The following SH2D6 variants were observed in gnomAD, a reference collection of about 807,000 sequenced individuals.
SH2D6 encodes the protein SH2 domain-containing protein 6.
In SH2D6, 31 loss-of-function variants were observed where a neutral mutation model predicts 30.2. That is an observed-to-expected ratio of 1.03 (90% CI 0.77 to 1.38). SH2D6 has a LOEUF of 1.38. SH2D6 is among the 40% of genes most tolerant of loss of function. The pLI, the probability that SH2D6 is intolerant of heterozygous loss-of-function variation, is 0.00. For missense variants in SH2D6, 240 were observed against 266.8 expected (o/e 0.90, Z 0.70); for synonymous variants, 93 against 104.6 (o/e 0.89, Z 0.68).
intron 14 of SH2D6, among the ~76,000 whole-genome samples, 197 bp from the exon 15 acceptor site, chr2:85,432,902 G>A (rs1688922650): frequency 6.6e-6 from 1 of 152,222 alleles, no homozygotes; most frequent in Admixed American, 6.5e-5. Flanking sequence ...TGGGAGGTCA[G>A]GAAAGGTGAC....
Position 85,435,350 on chromosome 2 carries a change from C to T in SH2D6, c.649-63C>T, listed in dbSNP as rs1341858532. The T allele has an allele frequency of 2.6e-6, 4 of 1,561,792 alleles. No individual in the cohort carries two copies. The South Asian group carries it at 3.4e-5, about 13-fold the overall frequency. On this transcript the variant is annotated intron_variant, in intron 20 of 23. Transcript: ENST00000469800. The stretch of plus-strand genomic sequence containing the variant: ...AACATAAATAACTGCACCCTGGGTC[C>T]TCGGCTCCGCATGCCTGATTGAGTG...
Position 85,430,532 on chromosome 2 carries a change from C to T in SH2D6, c.136-6C>T, listed in dbSNP as rs559383714. The T allele has an allele frequency of 6.5e-6, 1 of 153,334 alleles. No individual in the cohort carries two copies. The highest frequency in any genetic ancestry group is 2.1e-4 in the South Asian group (1 of 4,844). The allele number at this position is 153,334 out of a possible 1,614,324, so 9.5% of individuals were successfully genotyped here. ...TTCCTGCTGTGCTGAGCATCCCTTCCTCCAGGCCCAGGAGGAGGACGAGGA... is the reference window on the plus strand; with the variant it reads ...TTCCTGCTGTGCTGAGCATCCCTTCTTCCAGGCCCAGGAGGAGGACGAGGA... On this transcript the variant is annotated splice_region_variant and splice_polypyrimidine_tract_variant and intron_variant, in intron 11 of 23. Coordinates refer to ENST00000469800, the MANE Select transcript of SH2D6 (RefSeq NM_001394463.1). This position sits in a 1 kb window ranked among gnomAD's most constrained non-coding sequence, Gnocchi z 4.3.
In SH2D6 at chr2:85,429,429, C is replaced by T. The variant is rs566275228; in HGVS notation, c.-37C>T. 6.6e-6 allele frequency: 1 copy of T among 152,494 alleles called. No individual in the cohort carries two copies. Among genetic ancestry groups the T allele is most frequent in the East Asian group, 1.9e-4 (1 of 5,188 alleles). 9.4% of individuals were successfully genotyped at this position (152,494 alleles called of 1,614,324 possible). ...GTCCCCAGGCCATTTGTGGCAGATC[C>T]TGGGCTCCAGGGAGGCAAAGCTCCT... On this transcript the variant is annotated 5_prime_UTR_variant, in exon 8 of 24. Coordinates refer to ENST00000469800, the MANE Select transcript of SH2D6 (RefSeq NM_001394463.1).
Position 85,435,462 on chromosome 2 carries a change from A to C in SH2D6, c.698A>C (p.Tyr233Ser), listed in dbSNP as rs781621778. Residue 233 changes from tyrosine to serine, a missense_variant, in exon 21 of 24, where the codon TAT becomes TCT. Tyr to Ser is a moderately radical substitution (Grantham distance 144, BLOSUM62 -2). Transcript: ENST00000469800. ...TGGTACTCGGGGAACTGTGACCGCT[A>C]TGCTGTTGAGAGTGCCCTGCTCCAC... is the stretch of plus-strand genomic sequence containing the variant. ...QPWYSGNCDR[Y>S]AVESALLHLQ... 1 of 1,613,776 alleles carries C rather than the reference A, an allele frequency of 6.2e-7. No homozygotes were observed. The highest frequency in any genetic ancestry group is 1.7e-5 in the Admixed American group (1 of 60,004).
intron 14 of SH2D6, among the ~76,000 whole-genome samples, 175 bp downstream of exon 14, chr2:85,432,134 T>C (rs995889710): frequency 3.9e-5 from 6 of 152,162 alleles, no homozygotes; most frequent in Admixed American, 3.9e-4. Context: ...GCAGGTGGCG[T>C]TGCCTCTAAT....
rs1687775386 is a variant in SH2D6 at position 85,422,272 on chromosome 2, G to A, written c.-507G>A. ...ACACTTTGGGAGGCTGAGGCAGGAG[G>A]ATTGCTTGAGCCCAGAAGTTCAAGA... On this transcript the variant is annotated 5_prime_UTR_variant, in exon 3 of 24. Coordinates refer to ENST00000469800, the MANE Select transcript of SH2D6 (RefSeq NM_001394463.1). 1 of 152,022 alleles carries A rather than the reference G, an allele frequency of 6.6e-6. No homozygotes were observed. Among genetic ancestry groups the A allele is most frequent in the Non-Finnish European group, 1.5e-5 (1 of 68,054 alleles). The allele number at this position is 152,022 out of a possible 1,614,324, so 9.4% of individuals were successfully genotyped here. A position where few individuals can be genotyped will look rare whatever the true frequency, so the allele number is the denominator to read the frequency against.
intron 5 of SH2D6, 24 bp from the exon 6 acceptor site, chr2:85,425,284 C>G (rs1687950324): frequency 9.3e-6 from 1 of 107,544 alleles, no homozygotes; most frequent in Non-Finnish European, 1.8e-5. Flanking sequence ...TTTTTTGAGA[C>G]TGTGTTTCAC....
intron 15 of SH2D6, among the ~76,000 whole-genome samples, 164 bp from the exon 16 acceptor site, chr2:85,433,407 T>A (rs11903813): frequency 0.023 from 3,545 of 152,170 alleles, 150 homozygotes; most frequent in African/African-American, 0.081. Context: ...GAGGAGAAAT[T>A]GTAATCATTC....
intron 22 of SH2D6, among the ~76,000 whole-genome samples, chr2:85,436,035 C>T (rs1689417017): frequency 1.3e-5 from 2 of 152,270 alleles, no homozygotes; most frequent in South Asian, 2.1e-4. Context: ...TGCACAGGGT[C>T]GAGGTGGGGC....
chr2:85,426,738 T>A (rs1163297982), intron 6 of SH2D6, among the ~76,000 whole-genome samples: 1 of 152,256 alleles, frequency 6.6e-6, no homozygotes, highest in African/African-American at 2.4e-5. Flanking sequence ...AGTGTTTCAC[T>A]GAGTTCTGTG....
chr2:85,433,562 C>T lies in SH2D6; in HGVS notation c.394-9C>T. 1.0e-6 allele frequency: 1 copy of T among 997,274 alleles called. No homozygotes were observed. Among genetic ancestry groups the T allele is most frequent in the Non-Finnish European group, 1.2e-6 (1 of 837,124 alleles). 61.8% of individuals were successfully genotyped at this position (997,274 alleles called of 1,614,324 possible). On this transcript the variant is annotated splice_polypyrimidine_tract_variant and intron_variant, in intron 15 of 23. Coordinates refer to ENST00000469800, the MANE Select transcript of SH2D6 (RefSeq NM_001394463.1). ...AACCCATGGTCTCACACACCCCTCC[C>T]TACCTTAGGTGCCAGGCCCTCCAAA... is the stretch of plus-strand genomic sequence containing the variant.
intron 19 of SH2D6, 157 bp downstream of exon 19, chr2:85,434,654 C>T (rs1430290090): frequency 7.9e-7 from 1 of 1,272,422 alleles, no homozygotes; most frequent in East Asian, 2.5e-5. Context: ...ATGCAGGCAT[C>T]TTCAGCATGA....
rs531769268 is a variant in SH2D6, at chr2:85,432,621, C to T, written c.371-478C>T. On this transcript the variant is annotated intron_variant, in intron 14 of 23. Coordinates refer to ENST00000469800, the MANE Select transcript of SH2D6 (RefSeq NM_001394463.1). ...TTCACCGTGTTAGCCAGGATGGTCT[C>T]GATCTCCTGACCTCGTGATCCGCCT... Among the ~76,000 whole-genome samples the T allele has an allele frequency of 9.1e-3, 1,391 of 152,186 alleles. 9 individuals are homozygous for T. Among genetic ancestry groups the T allele is most frequent in the Middle Eastern group, 0.031 (9 of 294 alleles).
At position 85,433,641 on chromosome 2, in the gene SH2D6, T is replaced by C. The variant is rs1006106059; in HGVS notation, c.454+10T>C. The C allele has an allele frequency of 3.9e-6, 4 of 1,027,798 alleles. No individual in the cohort carries two copies. The highest frequency in any genetic ancestry group is 3.5e-6 in the Non-Finnish European group (3 of 856,256). 63.7% of individuals were successfully genotyped at this position (1,027,798 alleles called of 1,614,324 possible). A position where few individuals can be genotyped will look rare whatever the true frequency, so the allele number is the denominator to read the frequency against. ...TGTGAGCCGGATCCAGGTGAGCCCC[T>C]CCCTCAGCTCCAGACCCCTCCTGCC... On this transcript the variant is annotated intron_variant, in intron 16 of 23. Coordinates refer to ENST00000469800, the MANE Select transcript of SH2D6 (RefSeq NM_001394463.1).
chr2:85,427,166 T>G (rs1384462243), intron 6 of SH2D6, among the ~76,000 whole-genome samples: 1 of 152,230 alleles, frequency 6.6e-6, no homozygotes, highest in Non-Finnish European at 1.5e-5. Context: ...TCTCAGTAGC[T>G]GAGACCTGAG....
At position 85,436,908 on chromosome 2, in the gene SH2D6, C is replaced by T. The variant is rs1689525518; in HGVS notation, c.*84C>T. On this transcript the variant is annotated 3_prime_UTR_variant, in exon 24 of 24. Transcript: ENST00000469800. ...GTGGTGGCCTAGACCAGTCAGGGGA[C>T]AGCACAGGCACTGCTGGAACAGCAA... The T allele has an allele frequency of 3.4e-6, 1 of 296,792 alleles. No homozygotes were observed. Among genetic ancestry groups the T allele is most frequent in the Non-Finnish European group, 6.5e-6 (1 of 154,806 alleles). 18.4% of individuals were successfully genotyped at this position (296,792 alleles called of 1,614,324 possible).
intron 20 of SH2D6, 106 bp downstream of exon 20, chr2:85,435,229 C>A: frequency 7.6e-7 from 1 of 1,311,792 alleles, no homozygotes; most frequent in Non-Finnish European, 1.1e-6. Flanking sequence ...ACTGCAAGAA[C>A]ACATTGAACA....
chr2:85,424,980 C>T (rs1351379164), intron 5 of SH2D6, among the ~76,000 whole-genome samples: 2 of 151,140 alleles, frequency 1.3e-5, no homozygotes, highest in East Asian at 3.9e-4. Flanking sequence ...AAAGGAGAAT[C>T]GCTTGAACCT....
chr2:85,421,328 GA>G, intron 2 of SH2D6: 2 of 152,402 alleles, frequency 1.3e-5, no homozygotes, highest in Non-Finnish European at 1.5e-5. Context: ...CTGCGCTGGG[GA>G]AAAAGGTTTT....
Sources: gnomAD v4.1 joint callset for allele counts (sites outside exome capture counted in the v4.1 genomes callset) on GRCh38, gnomAD v4.1.1 for gene constraint, Gnocchi (gnomAD v3.1) non-coding constraint, MANE v1.5 for transcripts, NCBI Gene and HGNC (gene_info 2026-07-23, HGNC 2026-07-21) for gene names.